Variants in CFAP52 observed in about 807,000 individuals in gnomAD.
CFAP52 encodes cilia- and flagella-associated protein 52.
CFAP52 carries 57 observed loss-of-function variants against 70.5 expected under a neutral mutation model. That is an observed-to-expected ratio of 0.81 (90% CI 0.65 to 1.01). The LOEUF is 1.01. Among genes scored for constraint, CFAP52 ranks in the 50% least tolerant of loss-of-function variants. CFAP52 has a pLI of 0.00. For missense variants in CFAP52, 785 were observed against 788.5 expected, an observed-to-expected ratio of 1.00 and a Z score of 0.05; for synonymous variants, 267 against 292.5, an observed-to-expected ratio of 0.91 and a Z score of 0.89.
chr17:9,578,978 G>T (rs1908094302), intron 1 of CFAP52, among the ~76,000 whole-genome samples: 1 of 152,102 alleles, frequency 6.6e-6, no homozygotes, highest in African/African-American at 2.4e-5. Flanking sequence ...AAAAGAGAGG[G>T]GGTATAATGA....
intron 11 of CFAP52, among the ~76,000 whole-genome samples, chr17:9,637,424 C>G (rs145153199): frequency 6.6e-6 from 1 of 152,162 alleles, no homozygotes; most frequent in East Asian, 1.9e-4. Flanking sequence ...TTGAAAACTT[C>G]CATAATGAGA....
chr17:9,615,795 CTTTTTTTTTTTTTT>C (rs1190663709), intron 8 of CFAP52, among the ~76,000 whole-genome samples: 1 of 67,398 alleles, frequency 1.5e-5, no homozygotes, highest in African/African-American at 4.8e-5. Context: ...AAAAAAAATT[CTTTTTTTTTTTTTT>C]TTTTTTTTTT....
intron 8 of CFAP52, among the ~76,000 whole-genome samples, chr17:9,622,940 A>C (rs939456282): frequency 4.0e-5 from 6 of 151,792 alleles, no homozygotes; most frequent in Admixed American, 3.9e-4. Flanking sequence ...TACTTTGGAG[A>C]TCTTTTTTCT....
At chr17:9,616,168 G>A (rs982004370) in intron 8 of CFAP52, among the ~76,000 whole-genome samples, 19 of 151,394 alleles carry the variant, frequency 1.3e-4, no homozygotes, top group Non-Finnish European at 2.5e-4. Context: ...GAAGCAGGTC[G>A]AGGCATTGCC....
intron 6 of CFAP52, among the ~76,000 whole-genome samples, chr17:9,604,506 G>A (rs1445549628): frequency 6.6e-6 from 1 of 152,092 alleles, no homozygotes; most frequent in African/African-American, 2.4e-5. Flanking sequence ...AGTGGCTTGT[G>A]CCTGTAATCC....
At chr17:9,613,166 G>A (rs1462912258) in intron 8 of CFAP52, among the ~76,000 whole-genome samples, 1 of 151,322 alleles carries the variant, frequency 6.6e-6, no homozygotes, top group African/African-American at 2.4e-5. Context: ...CCTGTCATTT[G>A]TACCTCTTGA....
chr17:9,587,974 G>T (rs1908569931), intron 3 of CFAP52, among the ~76,000 whole-genome samples: 1 of 152,124 alleles, frequency 6.6e-6, no homozygotes. Flanking sequence ...GGAATCACTG[G>T]TGCCTGGGTG....
At chr17:9,586,094 T>C in intron 2 of CFAP52, 122 bp downstream of exon 2, 1 of 1,027,100 alleles carries the variant, frequency 9.7e-7, no homozygotes, top group Non-Finnish European at 1.4e-6. Context: ...CTTCTTCTTT[T>C]TGACTTCTCT....
chr17:9,631,450 A>C (rs1394167856), intron 9 of CFAP52, among the ~76,000 whole-genome samples: 2 of 152,144 alleles, frequency 1.3e-5, no homozygotes, highest in Non-Finnish European at 2.9e-5. Context: ...TAAACTGCTA[A>C]GGTCAAGAGG....
At chr17:9,585,644 G>C in intron 1 of CFAP52, 129 bp from the exon 2 acceptor site, 2 of 931,818 alleles carry the variant, frequency 2.1e-6, no homozygotes, top group South Asian at 1.5e-5. Flanking sequence ...TGCACCCCAG[G>C]CTGGGTGACA....
intron 8 of CFAP52, among the ~76,000 whole-genome samples, chr17:9,612,715 T>C (rs1487306154): frequency 6.6e-6 from 1 of 152,224 alleles, no homozygotes; most frequent in Admixed American, 6.5e-5. Context: ...AAACCCCTCA[T>C]GGAAAGGGTA....
chr17:9,635,404 G>A lies in CFAP52; in HGVS notation c.1321-1G>A. On this transcript the variant is annotated splice_acceptor_variant, in intron 10 of 13. Coordinates refer to ENST00000352665, the MANE Select transcript of CFAP52 (RefSeq NM_145054.5). LOFTEE classifies it high-confidence loss of function. The stretch of plus-strand genomic sequence containing the variant: ...AAGATCCTGTGCTCTGTGGCTTTCA[G>A]GTGAGGGTATGGCAGATAGGCTGTC... 6.2e-7 allele frequency: 1 copy of A among 1,613,926 alleles called. No homozygotes were observed. Among genetic ancestry groups the A allele is most frequent in the Non-Finnish European group, 8.5e-7 (1 of 1,180,024 alleles).
intron 9 of CFAP52, among the ~76,000 whole-genome samples, chr17:9,629,671 C>A (rs1910386285): frequency 6.6e-6 from 1 of 151,922 alleles, no homozygotes; most frequent in African/African-American, 2.4e-5. Flanking sequence ...TCTCAGCCTC[C>A]AGAGTAGCTG....
At position 9,608,226 on chromosome 17, in the gene CFAP52, T is replaced by C; in HGVS notation, c.854+7T>C. On this transcript the variant is annotated splice_region_variant and intron_variant, in intron 7 of 13. Transcript: ENST00000352665. ...CTGGCTACAAACCCATCAAGTAAGT[T>C]CCGGGTCTCACACAGTGGGGCTGGG... The C allele has an allele frequency of 6.2e-7, 1 of 1,602,078 alleles. No homozygotes were observed. Among genetic ancestry groups the C allele is most frequent in the Non-Finnish European group, 8.5e-7 (1 of 1,173,062 alleles).
chr17:9,642,763 AG>A (rs1320073068), intron 13 of CFAP52, among the ~76,000 whole-genome samples: 1 of 152,258 alleles, frequency 6.6e-6, no homozygotes. Context: ...ATACTTATAG[AG>A]AAAAGACTGG....
chr17:9,622,856 T>C (rs955117443), intron 8 of CFAP52, among the ~76,000 whole-genome samples: 1 of 152,146 alleles, frequency 6.6e-6, no homozygotes, highest in African/African-American at 2.4e-5. Flanking sequence ...ACCCTCCTAC[T>C]TACTACCTGA....
chr17:9,605,638 T>C (rs1190313419), intron 6 of CFAP52, among the ~76,000 whole-genome samples: 1 of 145,660 alleles, frequency 6.9e-6, no homozygotes, highest in South Asian at 2.2e-4. Context: ...GGAGGTTGCA[T>C]TGAGCCGAGA....
intron 8 of CFAP52, among the ~76,000 whole-genome samples, chr17:9,623,445 G>A (rs145482024): frequency 2.6e-5 from 4 of 151,812 alleles, no homozygotes; most frequent in Non-Finnish European, 5.9e-5. Flanking sequence ...TCATATGTTT[G>A]TATTAAATCT....
chr17:9,635,273 A>G lies in CFAP52; in HGVS notation c.1321-132A>G. 2.3e-6 allele frequency: 3 copies of G among 1,278,908 alleles called. No homozygotes were observed. The South Asian group carries it at 4.5e-5, about 19-fold the overall frequency. The allele number at this position is 1,278,908 out of a possible 1,614,324, so 79.2% of individuals were successfully genotyped here. ...TCAACTTAGCATTCACACCCCACCC[A>G]ACCGAGACAAAGACAGGGAATTAAA... On this transcript the variant is annotated intron_variant, in intron 10 of 13. Coordinates refer to ENST00000352665, the MANE Select transcript of CFAP52 (RefSeq NM_145054.5).
Sources: gnomAD v4.1 joint callset for allele counts (sites outside exome capture counted in the v4.1 genomes callset) on GRCh38, gnomAD v4.1.1 for gene constraint, MANE v1.5 for transcripts, NCBI Gene and HGNC (gene_info 2026-07-23, HGNC 2026-07-21) for gene names.